The following CYP19A1 variants were observed in gnomAD, a reference collection of about 807,000 sequenced individuals.
CYP19A1 encodes cytochrome P450 family 19 subfamily A member 1.
Under a neutral mutation model 44.4 loss-of-function variants are expected in CYP19A1, and 32 were observed. The observed-to-expected ratio is 0.72, with a 90% CI of 0.54 to 0.97. The LOEUF is 0.97. Among genes scored for constraint, CYP19A1 ranks in the 50% least tolerant of loss-of-function variants. The pLI is 0.00. For missense variants in CYP19A1, 598 were observed against 637.8 expected (o/e 0.94, Z 0.67); for synonymous variants, 212 against 215.6 (o/e 0.98, Z 0.14).
intron 1 of CYP19A1, among the ~76,000 whole-genome samples, chr15:51,287,482 T>C (rs866671448): frequency 6.6e-5 from 10 of 152,188 alleles, no homozygotes; most frequent in African/African-American, 2.2e-4. Flanking sequence ...CAAGTGCCAC[T>C]TCTGAAGCTG....
rs80051519 is a variant in CYP19A1, at chr15:51,212,489, C to T, written c.1094G>A (p.Arg365Gln). 2.5e-6 allele frequency: 4 copies of T among 1,593,334 alleles called. No individual in the cohort carries two copies. Among genetic ancestry groups the T allele is most frequent in the South Asian group, 1.1e-5 (1 of 90,674 alleles). Residue 365 changes from arginine (R) to glutamine (Q), a missense_variant, in exon 9 of 10, where the codon CGG becomes CAG. By Grantham distance (43) the Arg-to-Gln change is conservative (BLOSUM62 1). Coordinates refer to ENST00000396402, the MANE Select transcript of CYP19A1 (RefSeq NM_000103.4). ...GACCAAGTCCACGACAGGCTGGTAC[C>T]GCATGCTCTCATAAATGAAGTTTTC... Reference protein sequence around the residue: ...VMENFIYESMRYQPVVDLVMR... With the variant: ...VMENFIYESMQYQPVVDLVMR...
chr15:51,246,005 G>A (rs1229233496), intron 1 of CYP19A1, among the ~76,000 whole-genome samples: 1 of 152,200 alleles, frequency 6.6e-6, no homozygotes, highest in African/African-American at 2.4e-5. Context: ...ATTCATTTAT[G>A]TTCACTCCTG....
At chr15:51,258,386 G>A (rs1001969713) in intron 1 of CYP19A1, among the ~76,000 whole-genome samples, 6 of 152,120 alleles carry the variant, frequency 3.9e-5, no homozygotes, top group Admixed American at 2.0e-4. Context: ...ACTACATTTG[G>A]CATTTGGTAT....
intron 1 of CYP19A1, among the ~76,000 whole-genome samples, chr15:51,322,978 A>G (rs1401392316): frequency 6.6e-6 from 1 of 152,266 alleles, no homozygotes; most frequent in Non-Finnish European, 1.5e-5. Flanking sequence ...TCAAGCCTCA[A>G]TAATGGCTCC....
At chr15:51,290,120 G>C (rs2035808639) in intron 1 of CYP19A1, among the ~76,000 whole-genome samples, 1 of 152,182 alleles carries the variant, frequency 6.6e-6, no homozygotes, top group Non-Finnish European at 1.5e-5. Flanking sequence ...TTAAGATTCT[G>C]TTCAGTTTCC....
chr15:51,268,451 G>A (rs2035007051), intron 1 of CYP19A1, among the ~76,000 whole-genome samples: 1 of 151,710 alleles, frequency 6.6e-6, no homozygotes, highest in Admixed American at 6.6e-5. Flanking sequence ...TTGCTGAGCA[G>A]TACTCAATTG....
chr15:51,276,095 G>C, intron 1 of CYP19A1, among the ~76,000 whole-genome samples: 1 of 152,194 alleles, frequency 6.6e-6, no homozygotes, highest in East Asian at 1.9e-4. Context: ...TTGATTTCCA[G>C]ATTTATATTG....
intron 7 of CYP19A1, 83 bp downstream of exon 7, chr15:51,215,618 AAC>A: frequency 6.2e-7 from 1 of 1,610,626 alleles, no homozygotes; most frequent in Non-Finnish European, 8.5e-7. Context: ...AGAAATATGC[AAC>A]AGTTACAAAA....
At chr15:51,322,365 T>A (rs994644888) in intron 1 of CYP19A1, among the ~76,000 whole-genome samples, 1 of 152,258 alleles carries the variant, frequency 6.6e-6, no homozygotes, top group Non-Finnish European at 1.5e-5. Flanking sequence ...GAAGTGCAAG[T>A]GACAATTAAT....
chr15:51,273,640 G>C (rs565597024), intron 1 of CYP19A1, among the ~76,000 whole-genome samples: 2 of 151,982 alleles, frequency 1.3e-5, no homozygotes, highest in Non-Finnish European at 2.9e-5. Context: ...CTTCAACTCA[G>C]GCCCCTCACC....
chr15:51,280,939 A>G (rs2035497518), intron 1 of CYP19A1, among the ~76,000 whole-genome samples: 1 of 152,176 alleles, frequency 6.6e-6, no homozygotes, highest in Non-Finnish European at 1.5e-5. Flanking sequence ...AAGACAGCAC[A>G]GTGAGAGATG....
At chr15:51,316,187 A>G (rs1488592818) in intron 1 of CYP19A1, 6 of 152,174 alleles carry the variant, frequency 3.9e-5, no homozygotes, top group African/African-American at 1.4e-4. Flanking sequence ...CTGAGTTATT[A>G]TTCTATGAAA....
chr15:51,234,040 C>T (rs933410691), intron 3 of CYP19A1, among the ~76,000 whole-genome samples: 1 of 152,080 alleles, frequency 6.6e-6, no homozygotes, highest in African/African-American at 2.4e-5. Flanking sequence ...ATAATTTCTA[C>T]ACAGTTGTAA....
At chr15:51,297,567 G>A (rs2036020836) in intron 1 of CYP19A1, among the ~76,000 whole-genome samples, 1 of 151,962 alleles carries the variant, frequency 6.6e-6, no homozygotes, top group Non-Finnish European at 1.5e-5. Flanking sequence ...TAAGACCCAG[G>A]CTCCCATAAG....
chr15:51,279,210 T>C (rs2035431277), intron 1 of CYP19A1: 1 of 152,198 alleles, frequency 6.6e-6, no homozygotes, highest in Non-Finnish European at 1.5e-5. Flanking sequence ...TACCTAGTGA[T>C]TTAAAGATTT....
intron 1 of CYP19A1, among the ~76,000 whole-genome samples, chr15:51,298,405 A>G (rs1448146514): frequency 6.6e-6 from 1 of 152,262 alleles, no homozygotes; most frequent in Non-Finnish European, 1.5e-5. Context: ...TCATTGAAAC[A>G]AAGAAATCCA....
At chr15:51,310,126 A>T (rs1595776896) in intron 1 of CYP19A1, among the ~76,000 whole-genome samples, 1 of 152,366 alleles carries the variant, frequency 6.6e-6, no homozygotes, top group East Asian at 1.9e-4. Flanking sequence ...GATGAATTCC[A>T]ACTGTGTTGC....
At chr15:51,319,852 G>T (rs767084146) in intron 1 of CYP19A1, among the ~76,000 whole-genome samples, 29 of 147,806 alleles carry the variant, frequency 2.0e-4, no homozygotes, top group African/African-American at 6.8e-4. Flanking sequence ...ATCTCTATCA[G>T]GTCATTTGTA....
At position 51,223,593 on chromosome 15, in the gene CYP19A1, T is replaced by TCTCTCA. The variant is rs1356666512; in HGVS notation, c.452-1069_452-1068insTGAGAG. On this transcript the variant is annotated intron_variant, in intron 4 of 9. Coordinates refer to ENST00000396402, the MANE Select transcript of CYP19A1 (RefSeq NM_000103.4). ...CTTGCTCTCTCTCTCTCTCTCTCTC[T>TCTCTCA]CACACACACACACACACACACACAC... Among the ~76,000 whole-genome samples the TCTCTCA allele has an allele frequency of 4.8e-3, 430 of 90,208 alleles. 4 individuals are homozygous for TCTCTCA. The highest frequency in any genetic ancestry group is 8.5e-3 in the South Asian group (15 of 1,774). The allele number at this position is 90,208 out of a possible 152,430, so 59.2% of individuals were successfully genotyped here.
Sources: gnomAD v4.1 joint callset for allele counts (sites outside exome capture counted in the v4.1 genomes callset) on GRCh38, gnomAD v4.1.1 for gene constraint, MANE v1.5 for transcripts, NCBI Gene and HGNC (gene_info 2026-07-23, HGNC 2026-07-21) for gene names.